NEGR1: variants seen among roughly 807,000 people sequenced by gnomAD.
NEGR1 encodes the protein IgLON family member 4.
A neutral mutation model predicts 40.9 loss-of-function variants in NEGR1; 10 were observed. The ratio of observed to expected loss-of-function variants is 0.24; its 90% confidence interval spans 0.15 to 0.42. NEGR1 has a LOEUF of 0.42. Ranked by LOEUF, NEGR1 falls within the 10% of genes least tolerant of loss-of-function variation. The probability of loss-of-function intolerance (pLI) is 1.00; values close to 1 mark genes in which losing one functional copy is unlikely to be tolerated. For synonymous variants in NEGR1, 185 were observed against 166.8 expected (o/e 1.11, Z -0.84); for missense variants, 352 against 438.9 (o/e 0.80, Z 1.77).
chr1:72,109,171 T>A (rs1292102690), intron 1 of NEGR1, among the ~76,000 whole-genome samples: 1 of 151,674 alleles, frequency 6.6e-6, no homozygotes, highest in Non-Finnish European at 1.5e-5. Context: ...GCCTAGAATA[T>A]CAAGCTTATA....
chr1:71,783,060 T>C (rs964796081), intron 2 of NEGR1, among the ~76,000 whole-genome samples: 8 of 152,136 alleles, frequency 5.3e-5, no homozygotes, highest in African/African-American at 1.7e-4. Context: ...ATAGTATGTA[T>C]GTGCATATTA....
At chr1:71,728,880 T>C (rs1370040051) in intron 3 of NEGR1, among the ~76,000 whole-genome samples, 1 of 152,116 alleles carries the variant, frequency 6.6e-6, no homozygotes, top group Non-Finnish European at 1.5e-5. Flanking sequence ...AATTTGATGG[T>C]CCACCTGGGA....
chr1:71,531,641 A>T (rs1647358129), intron 6 of NEGR1, among the ~76,000 whole-genome samples: 1 of 151,356 alleles, frequency 6.6e-6, no homozygotes, highest in Admixed American at 6.6e-5. Context: ...TTGAGAGACT[A>T]ACCCCTGTAA....
chr1:72,266,724 AACACACACAC>A (rs3082237), intron 1 of NEGR1, among the ~76,000 whole-genome samples: 2,138 of 133,794 alleles, frequency 0.016, 52 homozygotes, highest in African/African-American at 0.055. Flanking sequence ...TAGACAGATA[AACACACACAC>A]ACACACACAC....
chr1:71,915,043 C>A (rs1293441898), intron 2 of NEGR1, among the ~76,000 whole-genome samples: 1 of 151,728 alleles, frequency 6.6e-6, no homozygotes, highest in Non-Finnish European at 1.5e-5. Flanking sequence ...AAGTTTTTTC[C>A]AATTTGGGCT....
At chr1:71,869,343 T>C (rs1197780085) in intron 2 of NEGR1, among the ~76,000 whole-genome samples, 1 of 152,098 alleles carries the variant, frequency 6.6e-6, no homozygotes, top group Non-Finnish European at 1.5e-5. Context: ...GCCTATAAAT[T>C]AAAGCTATAC....
At chr1:72,182,437 G>A (rs1652412978) in intron 1 of NEGR1, among the ~76,000 whole-genome samples, 1 of 152,048 alleles carries the variant, frequency 6.6e-6, no homozygotes, top group Non-Finnish European at 1.5e-5. Context: ...AGGTTGCAGT[G>A]AGCCAAGATC....
intron 1 of NEGR1, among the ~76,000 whole-genome samples, chr1:72,259,742 C>G (rs1185090010): frequency 6.6e-6 from 1 of 152,032 alleles, no homozygotes; most frequent in Non-Finnish European, 1.5e-5. Flanking sequence ...TAGATCCTTA[C>G]AAGAGTATGA....
chr1:71,764,683 A>C (rs190122067), intron 3 of NEGR1, among the ~76,000 whole-genome samples: 8 of 152,300 alleles, frequency 5.3e-5, no homozygotes, highest in Non-Finnish European at 1.0e-4. Flanking sequence ...GGCCATCAGA[A>C]GTTGACAAGG....
At chr1:72,255,306 A>T (rs1655230404) in intron 1 of NEGR1, among the ~76,000 whole-genome samples, 1 of 152,226 alleles carries the variant, frequency 6.6e-6, no homozygotes, top group South Asian at 2.1e-4. Context: ...TAAATAGCAC[A>T]AATCTTAATT....
chr1:71,756,567 C>T (rs1655750053), intron 3 of NEGR1, among the ~76,000 whole-genome samples: 1 of 151,972 alleles, frequency 6.6e-6, no homozygotes, highest in African/African-American at 2.4e-5. Context: ...CCATGAAATA[C>T]CCAGTTGTAA....
chr1:72,276,817 A>T (rs2100566484), intron 1 of NEGR1, among the ~76,000 whole-genome samples: 1 of 152,280 alleles, frequency 6.6e-6, no homozygotes, highest in African/African-American at 2.4e-5. Context: ...ACAACACTTA[A>T]ACCGTTTTGG....
At chr1:71,778,437 G>T (rs1393142468) in intron 2 of NEGR1, among the ~76,000 whole-genome samples, 1 of 152,062 alleles carries the variant, frequency 6.6e-6, no homozygotes, top group African/African-American at 2.4e-5. Flanking sequence ...GTCTGAGCAC[G>T]TTTAATGAAG....
chr1:71,416,696 G>A (rs1646358315), intron 6 of NEGR1, among the ~76,000 whole-genome samples: 1 of 152,160 alleles, frequency 6.6e-6, no homozygotes. Flanking sequence ...CTTTCTGCAA[G>A]CTACTTTTTC....
intron 4 of NEGR1, among the ~76,000 whole-genome samples, chr1:71,628,332 T>C (rs1248203882): frequency 6.6e-6 from 1 of 152,030 alleles, no homozygotes. Flanking sequence ...TAAAAATGTT[T>C]ATTGAATAAA....
At position 71,597,476 on chromosome 1, in the gene NEGR1, G is replaced by C. The variant is rs867112608; in HGVS notation, c.789-4508C>G. Among the ~76,000 whole-genome samples the C allele has an allele frequency of 7.4e-3, 613 of 82,886 alleles. 2 individuals are homozygous for C. Among genetic ancestry groups the C allele is most frequent in the African/African-American group, 0.024 (560 of 22,976 alleles). 54.4% of individuals were successfully genotyped at this position (82,886 alleles called of 152,430 possible). A position where few individuals can be genotyped will look rare whatever the true frequency, so the allele number is the denominator to read the frequency against. On this transcript the variant is annotated intron_variant, in intron 5 of 6. Coordinates refer to ENST00000357731, the MANE Select transcript of NEGR1 (RefSeq NM_173808.3). ...TCTCTCTCTCTCTCTCTCTCTCTGTGTGTGTGTGTGTGTGTGTGTGTGTGT... is the reference window on the plus strand; with the variant it reads ...TCTCTCTCTCTCTCTCTCTCTCTGTCTGTGTGTGTGTGTGTGTGTGTGTGT...
At chr1:71,996,267 C>T (rs1230319396) in intron 1 of NEGR1, among the ~76,000 whole-genome samples, 6 of 152,046 alleles carry the variant, frequency 3.9e-5, no homozygotes, top group Non-Finnish European at 5.9e-5. Flanking sequence ...AACAAATATA[C>T]ACATTCACCT....
intron 1 of NEGR1, among the ~76,000 whole-genome samples, chr1:72,269,806 G>T (rs1392004521): frequency 6.9e-6 from 1 of 145,508 alleles, no homozygotes; most frequent in East Asian, 1.9e-4. Context: ...TTCCTATCTA[G>T]TAAATGCATG....
chr1:71,588,114 C>A (rs1649367975), intron 6 of NEGR1, among the ~76,000 whole-genome samples: 1 of 152,088 alleles, frequency 6.6e-6, no homozygotes, highest in Admixed American at 6.6e-5. Context: ...TGAATTCCCA[C>A]TAAAGTGATA....
Sources: allele counts gnomAD v4.1 joint callset (sites outside exome capture counted in the v4.1 genomes callset), GRCh38; gene constraint gnomAD v4.1.1; transcripts MANE v1.5; gene names NCBI Gene and HGNC (gene_info 2026-07-23, HGNC 2026-07-21).